The following TNKS variants were observed in gnomAD, a reference collection of about 807,000 sequenced individuals.
TNKS encodes the protein poly [ADP-ribose] polymerase tankyrase-1.
In TNKS, 72 loss-of-function variants were observed where a neutral mutation model predicts 135.8. The observed-to-expected ratio is 0.53, with a 90% confidence interval of 0.44 to 0.64. The LOEUF (loss-of-function observed/expected upper bound fraction) is 0.64, where lower values mean the gene tolerates loss of function less well. Ranked by LOEUF, TNKS falls within the 30% of genes least tolerant of loss-of-function variation. The pLI, the probability that TNKS is intolerant of heterozygous loss-of-function variation, is 0.00. For missense variants in TNKS, 1,769 were observed against 1,674.0 expected, an observed-to-expected ratio of 1.06 and a Z score of -0.99; for synonymous variants, 849 against 649.3, an observed-to-expected ratio of 1.31 and a Z score of -4.68.
chr8:9,722,872 C>A (rs1804961455), intron 12 of TNKS, among the ~76,000 whole-genome samples: 1 of 152,084 alleles, frequency 6.6e-6, no homozygotes, highest in Non-Finnish European at 1.5e-5. Context: ...ATAAATCAAG[C>A]ATATCAGATC....
intron 2 of TNKS, among the ~76,000 whole-genome samples, chr8:9,605,122 T>C (rs753094157): frequency 1.3e-5 from 2 of 152,080 alleles, no homozygotes; most frequent in African/African-American, 4.8e-5. Context: ...CTAATCAAAA[T>C]AATACAACAG....
rs1359741750 is a variant in TNKS at position 9,641,926 on chromosome 8, G to C, written c.994+26249G>C. 5.5e-5 allele frequency among the ~76,000 whole-genome samples: 8 copies of C among 145,882 alleles called. 1 individual carries two copies. The South Asian group carries it at 1.8e-3, about 32-fold the overall frequency. On this transcript the variant is annotated intron_variant, in intron 3 of 26. Coordinates refer to ENST00000310430, the MANE Select transcript of TNKS (RefSeq NM_003747.3). Reference sequence around the variant, plus strand: ...AGAGAATGAAGTGTTTCTTAGTTTTGCTTTTTAGAAAGTAACCTCACAAAG... The same window carrying C: ...AGAGAATGAAGTGTTTCTTAGTTTTCCTTTTTAGAAAGTAACCTCACAAAG...
intron 15 of TNKS, 118 bp downstream of exon 15, chr8:9,733,562 T>C (rs557008857): frequency 1.3e-6 from 1 of 796,436 alleles, no homozygotes; most frequent in East Asian, 2.8e-5. Context: ...GAGACTGCTC[T>C]CATTTTCTAT....
chr8:9,556,039 C>T lies in TNKS; in HGVS notation c.100C>T (p.Pro34Ser), dbSNP rs1287209071. The T allele has an allele frequency of 6.2e-6, 10 of 1,611,730 alleles. No individual in the cohort carries two copies. Among genetic ancestry groups the T allele is most frequent in the Non-Finnish European group, 8.5e-6 (10 of 1,179,480 alleles). Residue 34 changes from proline to serine, a missense_variant, in exon 1 of 27, where the codon CCA becomes TCA. Around this residue, in one of 5 missense-constraint regions of TNKS, gnomAD observed 450 missense variants for 304.9 expected, o/e 1.48. Transcript: ENST00000310430. ...AGCGCCGCCGCCGCCACCTCCTCCC[C>T]CACTCAGCCCTGGCCTGGCCCCGGG... ...ASAPPPPPPPPLSPGLAPGTT... is the reference protein window; with the variant it reads ...ASAPPPPPPPSLSPGLAPGTT...
At chr8:9,648,978 A>G (rs1801027218) in intron 3 of TNKS, among the ~76,000 whole-genome samples, 1 of 152,092 alleles carries the variant, frequency 6.6e-6, no homozygotes, top group Non-Finnish European at 1.5e-5. Context: ...GGTTTAGGGT[A>G]TAGACTTAGA....
At chr8:9,775,040 C>A (rs1449930556) in intron 26 of TNKS, among the ~76,000 whole-genome samples, 1 of 152,086 alleles carries the variant, frequency 6.6e-6, no homozygotes, top group African/African-American at 2.4e-5. Context: ...CCAGAGTGTT[C>A]TTATGTGGTA....
intron 2 of TNKS, among the ~76,000 whole-genome samples, chr8:9,606,749 A>AT (rs1055971054): frequency 6.6e-6 from 1 of 151,954 alleles, no homozygotes; most frequent in Non-Finnish European, 1.5e-5. Flanking sequence ...ATGTTTAATA[A>AT]TTTTTTATTC....
chr8:9,776,967 T>C lies in TNKS; in HGVS notation c.*231T>C, dbSNP rs1808253779. On this transcript the variant is annotated 3_prime_UTR_variant, in exon 27 of 27. Transcript: ENST00000310430. ...TACAGGGGCGGCCTTTTAACATATC[T>C]CAGGCTCATTTTCATTGCAATTATC... is the stretch of plus-strand genomic sequence containing the variant. 2 of 476,144 alleles carry C rather than the reference T, an allele frequency of 4.2e-6. No individual in the cohort carries two copies. The highest frequency in any genetic ancestry group is 7.5e-6 in the Non-Finnish European group (2 of 267,902). The allele number at this position is 476,144 out of a possible 1,614,324, so 29.5% of individuals were successfully genotyped here.
At chr8:9,710,247 C>G in intron 11 of TNKS, 27 bp downstream of exon 11, 1 of 1,609,912 alleles carries the variant, frequency 6.2e-7, no homozygotes, top group South Asian at 1.1e-5. Context: ...AGCAGAGTGC[C>G]AGACTCAGCA....
chr8:9,636,835 G>A (rs998253518), intron 3 of TNKS, among the ~76,000 whole-genome samples: 2 of 152,158 alleles, frequency 1.3e-5, no homozygotes, highest in Admixed American at 1.3e-4. Flanking sequence ...AGCCAAATTA[G>A]CCTTCTTAGC....
intron 5 of TNKS, among the ~76,000 whole-genome samples, chr8:9,691,583 C>G (rs745900507): frequency 8.5e-5 from 13 of 152,168 alleles, no homozygotes; most frequent in African/African-American, 2.9e-4. Flanking sequence ...TGACTCCTGA[C>G]TCTGCTTTTA....
intron 4 of TNKS, 102 bp downstream of exon 4, chr8:9,680,089 G>T: frequency 2.4e-6 from 2 of 823,384 alleles, no homozygotes; most frequent in South Asian, 1.5e-5. Flanking sequence ...TGTCTTGCTT[G>T]GATTTTATGC....
At chr8:9,769,612 CTTTTTTTTTT>C (rs1163803220) in intron 25 of TNKS, among the ~76,000 whole-genome samples, 1 of 73,462 alleles carries the variant, frequency 1.4e-5, no homozygotes, top group Non-Finnish European at 2.4e-5. Flanking sequence ...CAGGCATTTT[CTTTTTTTTTT>C]TTTTTTTTTT....
chr8:9,605,355 A>T (rs1396156558), intron 2 of TNKS, among the ~76,000 whole-genome samples: 1 of 151,926 alleles, frequency 6.6e-6, no homozygotes, highest in African/African-American at 2.4e-5. Context: ...TTTATTGCTG[A>T]GTAGTATTCT....
intron 2 of TNKS, among the ~76,000 whole-genome samples, chr8:9,604,375 C>A (rs1176072319): frequency 6.6e-6 from 1 of 152,056 alleles, no homozygotes; most frequent in Non-Finnish European, 1.5e-5. Context: ...AAACTTCAAT[C>A]TATTCCAAGA....
At chr8:9,649,561 G>C (rs1014885499) in intron 3 of TNKS, among the ~76,000 whole-genome samples, 1 of 151,928 alleles carries the variant, frequency 6.6e-6, no homozygotes, top group Admixed American at 6.6e-5. Flanking sequence ...TGAGATTTTC[G>C]TGCACCTGTT....
chr8:9,765,649 G>C, intron 23 of TNKS, 43 bp from the exon 24 acceptor site: 4 of 1,485,452 alleles, frequency 2.7e-6, no homozygotes, highest in Non-Finnish European at 3.7e-6. Context: ...AATCATAAAT[G>C]CACGTTTCAC....
At chr8:9,769,110 G>T (rs188965440) in intron 25 of TNKS, among the ~76,000 whole-genome samples, 1 of 152,240 alleles carries the variant, frequency 6.6e-6, no homozygotes, top group African/African-American at 2.4e-5. Context: ...AATTATTTTA[G>T]GTTTTGCAGG....
chr8:9,738,842 G>C (rs1459689047), intron 17 of TNKS, among the ~76,000 whole-genome samples: 2 of 124,982 alleles, frequency 1.6e-5, no homozygotes, highest in East Asian at 4.8e-4. Flanking sequence ...TTTTGGAATA[G>C]GTGTGGTGTG....
Sources: allele counts gnomAD v4.1 joint callset (sites outside exome capture counted in the v4.1 genomes callset), GRCh38; gene constraint gnomAD v4.1.1; regional missense constraint gnomAD v4.1.1; transcripts MANE v1.5; gene names NCBI Gene and HGNC (gene_info 2026-07-23, HGNC 2026-07-21).